SUGCT: variants seen among roughly 807,000 people sequenced by gnomAD.
SUGCT encodes the protein succinyl-CoA:glutarate CoA-transferase.
A neutral mutation model predicts 55.0 loss-of-function variants in SUGCT; 41 were observed. That is an observed-to-expected ratio of 0.74 (90% CI 0.58 to 0.97). The LOEUF (loss-of-function observed/expected upper bound fraction) is 0.97, where lower values mean the gene tolerates loss of function less well. Ranked by LOEUF, SUGCT falls within the 50% of genes least tolerant of loss-of-function variation. The pLI is 0.00. For missense variants in SUGCT, 568 were observed against 547.8 expected (o/e 1.04, Z -0.37); for synonymous variants, 187 against 200.4 (o/e 0.93, Z 0.56).
intron 6 of SUGCT, among the ~76,000 whole-genome samples, chr7:40,200,438 T>TC (rs779963712): frequency 6.6e-6 from 1 of 151,548 alleles, no homozygotes; most frequent in Non-Finnish European, 1.5e-5. Flanking sequence ...GGTTTTTTTT[T>TC]GAGGGGGGTA....
chr7:40,705,948 C>A (rs1420157508), intron 12 of SUGCT, among the ~76,000 whole-genome samples: 1 of 152,086 alleles, frequency 6.6e-6, no homozygotes, highest in African/African-American at 2.4e-5. Flanking sequence ...TTTTCTTTGG[C>A]CTTAGTGTCC....
intron 12 of SUGCT, among the ~76,000 whole-genome samples, chr7:40,548,975 C>G (rs1562854174): frequency 6.6e-6 from 1 of 152,116 alleles, no homozygotes; most frequent in African/African-American, 2.4e-5. Context: ...TAATAACCAC[C>G]TTGTTACCCG....
At chr7:40,572,010 A>G (rs938549971) in intron 12 of SUGCT, among the ~76,000 whole-genome samples, 2 of 152,104 alleles carry the variant, frequency 1.3e-5, no homozygotes, top group Admixed American at 6.5e-5. Context: ...CTCCTCACTA[A>G]TTGCAGGGAT....
chr7:40,997,788 G>C, the SUGCT span, among the ~76,000 whole-genome samples: 1 of 152,154 alleles, frequency 6.6e-6, no homozygotes, highest in Non-Finnish European at 1.5e-5. Context: ...GAACACAATA[G>C]GTATTCAAGA....
chr7:40,517,760 A>G (rs965464967), intron 12 of SUGCT, among the ~76,000 whole-genome samples: 9 of 151,996 alleles, frequency 5.9e-5, no homozygotes, highest in African/African-American at 2.2e-4. Flanking sequence ...AATGATTTTC[A>G]CCACTTATGG....
chr7:40,913,008 AT>A, the SUGCT span, among the ~76,000 whole-genome samples: 2,535 of 121,498 alleles, frequency 0.021, 18 homozygotes, highest in African/African-American at 0.064. Flanking sequence ...GCTGGATCCA[AT>A]TTTTTTTTTT....
the SUGCT span, among the ~76,000 whole-genome samples, chr7:40,898,166 A>C: frequency 7.6e-6 from 1 of 130,932 alleles, no homozygotes; most frequent in African/African-American, 4.2e-5. Flanking sequence ...TGATGAACTT[A>C]AGTCGGGAGG....
intron 12 of SUGCT, among the ~76,000 whole-genome samples, chr7:40,598,891 G>A (rs887957576): frequency 6.6e-6 from 1 of 152,176 alleles, no homozygotes; most frequent in Admixed American, 6.5e-5. Context: ...GAGAATATTA[G>A]ACCGTCAAAA....
At chr7:40,644,027 A>G (rs1238557067) in intron 12 of SUGCT, among the ~76,000 whole-genome samples, 1 of 152,142 alleles carries the variant, frequency 6.6e-6, no homozygotes, top group Non-Finnish European at 1.5e-5. Flanking sequence ...GCGGGAAGGT[A>G]GGAAGTCTGA....
At chr7:40,939,898 A>ATT in the SUGCT span, among the ~76,000 whole-genome samples, 2,535 of 151,786 alleles carry the variant, frequency 0.017, 67 homozygotes, top group African/African-American at 0.056. Flanking sequence ...GGTTTTATGT[A>ATT]TTTTTTTTCT....
chr7:40,884,591 T>A, the SUGCT span, among the ~76,000 whole-genome samples: 1,778 of 152,226 alleles, frequency 0.012, 34 homozygotes, highest in African/African-American at 0.04. Flanking sequence ...TTTTCCTGAA[T>A]TTTTTCCCGC....
At chr7:41,029,082 C>T in the SUGCT span, among the ~76,000 whole-genome samples, 4 of 152,190 alleles carry the variant, frequency 2.6e-5, no homozygotes, top group Non-Finnish European at 4.4e-5. Flanking sequence ...GTCAGCCTCT[C>T]CTCATGCCCT....
chr7:40,444,120 C>G (rs1788675993), intron 9 of SUGCT, among the ~76,000 whole-genome samples: 2 of 152,192 alleles, frequency 1.3e-5, no homozygotes, highest in Non-Finnish European at 2.9e-5. Context: ...GTTTTGGTTA[C>G]TGTAGCCTTG....
In SUGCT at chr7:40,799,015, C is replaced by T. The variant is rs73689851; in HGVS notation, c.1153+49518C>T. On this transcript the variant is annotated intron_variant, in intron 13 of 13. Transcript: ENST00000335693. ...TTTAGGAAGATTGCTGTAGACTTAA[C>T]GGGTGAATCACTTTGCTCCGCTGGA... 7.8e-3 allele frequency among the ~76,000 whole-genome samples: 1,182 copies of T among 152,224 alleles called. 17 individuals carry two copies. Among genetic ancestry groups the T allele is most frequent in the African/African-American group, 0.025 (1,054 of 41,532 alleles).
In SUGCT at chr7:40,314,559, C is replaced by CTTTTTTT. The variant is rs1292941632; in HGVS notation, c.721-2185_721-2179dup. On this transcript the variant is annotated intron_variant, in intron 8 of 13. Transcript: ENST00000335693. ...ATAACTCCTATTGCATCCCTTGTGT[C>CTTTTTTT]TTTTTTTTTTTTTTTTTTTTTTAAG... is the stretch of plus-strand genomic sequence containing the variant. Among the ~76,000 whole-genome samples, 368 of 108,694 alleles carry CTTTTTTT rather than the reference C, an allele frequency of 3.4e-3. 20 individuals carry two copies. Among genetic ancestry groups the CTTTTTTT allele is most frequent in the Non-Finnish European group, 3.9e-3 (215 of 55,254 alleles). 71.3% of individuals were successfully genotyped at this position (108,694 alleles called of 152,430 possible). A position where few individuals can be genotyped will look rare whatever the true frequency, so the allele number is the denominator to read the frequency against.
intron 12 of SUGCT, among the ~76,000 whole-genome samples, chr7:40,574,657 C>T (rs1054464419): frequency 5.9e-5 from 9 of 152,198 alleles, no homozygotes; most frequent in South Asian, 2.1e-4. Flanking sequence ...GTCTCGACCT[C>T]GTGACCTCAG....
intron 12 of SUGCT, among the ~76,000 whole-genome samples, chr7:40,631,747 A>G (rs1799798382): frequency 6.6e-6 from 1 of 152,186 alleles, no homozygotes; most frequent in Non-Finnish European, 1.5e-5. Context: ...CACTGAGTTA[A>G]GATTCCCTTG....
At chr7:40,412,666 A>T (rs1786760496) in intron 9 of SUGCT, among the ~76,000 whole-genome samples, 1 of 152,030 alleles carries the variant, frequency 6.6e-6, no homozygotes, top group Non-Finnish European at 1.5e-5. Context: ...CCCATTTTTC[A>T]TCAATCTTGC....
the SUGCT span, among the ~76,000 whole-genome samples, chr7:40,908,874 A>G: frequency 4.6e-5 from 7 of 152,216 alleles, no homozygotes; most frequent in South Asian, 1.4e-3. Flanking sequence ...GATTTTATTG[A>G]GTTCTACATG....
Sources: gnomAD v4.1 joint callset for allele counts (sites outside exome capture counted in the v4.1 genomes callset) on GRCh38, gnomAD v4.1.1 for gene constraint, MANE v1.5 for transcripts, NCBI Gene and HGNC (gene_info 2026-07-23, HGNC 2026-07-21) for gene names.